Variants in LARGE1 observed in about 807,000 individuals in gnomAD.
The protein encoded by LARGE1 is xylosyl- and glucuronyltransferase LARGE1.
A neutral mutation model predicts 87.6 loss-of-function variants in LARGE1; 43 were observed. The ratio of observed to expected loss-of-function variants is 0.49; its 90% CI spans 0.38 to 0.63. LARGE1 has a LOEUF of 0.63. LARGE1 is among the 30% of genes least tolerant of loss of function. The probability of loss-of-function intolerance (pLI) is 0.00; values close to 1 mark genes in which losing one functional copy is unlikely to be tolerated. For missense variants in LARGE1, 802 were observed against 1,000.2 expected, an observed-to-expected ratio of 0.80 and a Z score of 2.67; for synonymous variants, 434 against 394.6, an observed-to-expected ratio of 1.10 and a Z score of -1.18.
Position 33,327,787 on chromosome 22 carries a change from C to T in LARGE1, c.1287+9859G>A, listed in dbSNP as rs1238882653. 3.3e-5 allele frequency among the ~76,000 whole-genome samples: 5 copies of T among 152,278 alleles called. No individual in the cohort carries two copies. The East Asian group carries it at 9.7e-4, about 29-fold the overall frequency. On this transcript the variant is annotated intron_variant, in intron 10 of 14. Transcript: ENST00000397394. ...GAACTCCTGGGGCTCAAGTGATCTT[C>T]CTGCCTCAGCCTCTCAAAGTGCTGG... is the stretch of plus-strand genomic sequence containing the variant.
chr22:33,763,007 G>C (rs572098664), intron 1 of LARGE1, among the ~76,000 whole-genome samples: 5 of 152,304 alleles, frequency 3.3e-5, no homozygotes, highest in South Asian at 2.1e-4. Flanking sequence ...ATTCCCAAAT[G>C]CATCCTTCCC....
intron 7 of LARGE1, among the ~76,000 whole-genome samples, chr22:33,406,810 GAGA>G (rs2066116253): frequency 6.6e-6 from 1 of 152,086 alleles, no homozygotes; most frequent in Non-Finnish European, 1.5e-5. Context: ...TTTATTTTTT[GAGA>G]AGGAGTTTCG....
At chr22:33,886,309 G>C (rs1007783971) in intron 1 of LARGE1, among the ~76,000 whole-genome samples, 9 of 152,200 alleles carry the variant, frequency 5.9e-5, no homozygotes, top group African/African-American at 2.2e-4. Context: ...GTGTGACTAG[G>C]GGGCACATTT....
At chr22:33,736,149 T>C (rs7290844) in intron 2 of LARGE1, among the ~76,000 whole-genome samples, 3,874 of 152,310 alleles carry the variant, frequency 0.025, 129 homozygotes, top group African/African-American at 0.078. Context: ...CCTTTGGGCA[T>C]AGATACCTGG....
intron 3 of LARGE1, among the ~76,000 whole-genome samples, chr22:33,632,161 C>T (rs952993882): frequency 1.3e-4 from 20 of 152,238 alleles, no homozygotes; most frequent in African/African-American, 3.9e-4. Flanking sequence ...CTCGATCTAT[C>T]GCCCAGGCTG....
chr22:33,275,282 C>T (rs1929008345), intron 14 of LARGE1, among the ~76,000 whole-genome samples: 2 of 152,146 alleles, frequency 1.3e-5, no homozygotes, highest in Non-Finnish European at 2.9e-5. Context: ...TCTGAATAGC[C>T]AAAACAGGTG....
chr22:33,433,585 G>GACTCCGT (rs1282559259), intron 6 of LARGE1, among the ~76,000 whole-genome samples: 1 of 107,966 alleles, frequency 9.3e-6, no homozygotes, highest in Non-Finnish European at 1.7e-5. Context: ...GAGAGAGCAA[G>GACTCCGT]ACTCCGTCTC....
chr22:33,475,340 T>C (rs1280199779), intron 6 of LARGE1, among the ~76,000 whole-genome samples: 8 of 152,174 alleles, frequency 5.3e-5, no homozygotes, highest in Non-Finnish European at 1.2e-4. Context: ...GAGATGGTTA[T>C]GAAGACAAAC....
rs151315119 is a variant in LARGE1, at chr22:33,304,075, G to A, written c.1730+154C>T. Among the ~76,000 whole-genome samples, 909 of 152,376 alleles carry A rather than the reference G, an allele frequency of 6.0e-3. 5 individuals carry two copies. The highest frequency in any genetic ancestry group is 0.015 in the South Asian group (72 of 4,830). ...CTGAGAACTCTATTGCTGGGTGGCTGTGGGCAGGTCCCTTCCCCTTTCTGG... is the reference window on the plus strand; with the variant it reads ...CTGAGAACTCTATTGCTGGGTGGCTATGGGCAGGTCCCTTCCCCTTTCTGG... On this transcript the variant is annotated intron_variant, in intron 12 of 14. Transcript: ENST00000397394.
Position 33,564,902 on chromosome 22 carries a change from T to C in LARGE1, c.733A>G (p.Ile245Val), listed in dbSNP as rs2077977155. The C allele has an allele frequency of 6.2e-7, 1 of 1,614,208 alleles. No individual in the cohort carries two copies. The highest frequency in any genetic ancestry group is 8.5e-7 in the Non-Finnish European group (1 of 1,180,038). ...LERVIVLDTD[I>V]TFATDIAELW... Reference sequence around the variant, plus strand: ...TCTGCAATGTCAGTGGCAAAGGTGATATCCGTGTCAAGGACGATGACTCTC... The same window carrying C: ...TCTGCAATGTCAGTGGCAAAGGTGACATCCGTGTCAAGGACGATGACTCTC... Residue 245 changes from isoleucine to valine, a missense_variant, in exon 6 of 15, where the codon ATC (isoleucine) becomes GTC (valine). Around this residue, in one of 2 missense-constraint regions of LARGE1, gnomAD observed 625 missense variants for 841.9 expected, o/e 0.74. Coordinates refer to ENST00000397394, the MANE Select transcript of LARGE1 (RefSeq NM_133642.5).
At chr22:33,201,125 A>G (rs1372911567) in intron 11 of LARGE1, among the ~76,000 whole-genome samples, 1 of 152,118 alleles carries the variant, frequency 6.6e-6, no homozygotes, top group African/African-American at 2.4e-5. Context: ...CCTGACCAAC[A>G]TGGTGAAATC....
At chr22:33,462,541 G>T (rs910415015) in intron 6 of LARGE1, among the ~76,000 whole-genome samples, 1 of 152,208 alleles carries the variant, frequency 6.6e-6, no homozygotes, top group African/African-American at 2.4e-5. Context: ...CCAGCACTTA[G>T]GGAGGCCGAG....
chr22:33,227,572 C>T (rs1445740351), intron 11 of LARGE1, among the ~76,000 whole-genome samples: 1 of 152,156 alleles, frequency 6.6e-6, no homozygotes, highest in Non-Finnish European at 1.5e-5. Flanking sequence ...AGATTTGACC[C>T]CAAACCTGTC....
intron 3 of LARGE1, among the ~76,000 whole-genome samples, chr22:33,632,131 T>C (rs1438180808): frequency 1.3e-5 from 2 of 152,120 alleles, no homozygotes; most frequent in African/African-American, 4.8e-5. Flanking sequence ...GCCGTTTGTT[T>C]GTTTGTTTTG....
chr22:33,420,794 G>C (rs1416088619), intron 7 of LARGE1, among the ~76,000 whole-genome samples: 1 of 152,212 alleles, frequency 6.6e-6, no homozygotes, highest in Non-Finnish European at 1.5e-5. Context: ...AGCCCTGGGA[G>C]AATGCTCAGC....
the LARGE1 span, among the ~76,000 whole-genome samples, chr22:33,153,990 T>C: frequency 6.6e-6 from 1 of 152,192 alleles, no homozygotes; most frequent in East Asian, 1.9e-4. Flanking sequence ...CTGGGACCAA[T>C]GTGGGGTTCA....
intron 9 of LARGE1, among the ~76,000 whole-genome samples, chr22:33,366,960 G>A (rs1450347371): frequency 1.3e-5 from 2 of 152,232 alleles, no homozygotes; most frequent in East Asian, 3.9e-4. Flanking sequence ...ATTTCTACTT[G>A]CCGTCTAGGG....
intron 1 of LARGE1, among the ~76,000 whole-genome samples, chr22:33,895,741 T>C (rs539628222): frequency 4.6e-4 from 70 of 152,292 alleles, no homozygotes; most frequent in African/African-American, 1.5e-3. Context: ...GATGGGGTCT[T>C]ACATAAGGAA....
the LARGE1 span, among the ~76,000 whole-genome samples, chr22:33,089,321 T>C: frequency 6.9e-5 from 6 of 87,094 alleles, no homozygotes; most frequent in East Asian, 1.8e-3. Context: ...TTCTTTCTTC[T>C]TTCTTCTTCT....
Sources: allele counts gnomAD v4.1 joint callset (sites outside exome capture counted in the v4.1 genomes callset), GRCh38; gene constraint gnomAD v4.1.1; regional missense constraint gnomAD v4.1.1; transcripts MANE v1.5; gene names NCBI Gene and HGNC (gene_info 2026-07-23, HGNC 2026-07-21).